The following PDGFC variants were observed in gnomAD, a reference collection of about 807,000 sequenced individuals.
The protein encoded by PDGFC is platelet-derived growth factor C.
In PDGFC, 12 loss-of-function variants were observed where a neutral mutation model predicts 35.5. The ratio of observed to expected loss-of-function variants is 0.34; its 90% CI spans 0.22 to 0.55. The LOEUF (loss-of-function observed/expected upper bound fraction) is 0.55, where lower values mean the gene tolerates loss of function less well. Among genes scored for constraint, PDGFC ranks in the 20% least tolerant of loss-of-function variants. The pLI is 0.91. For missense variants in PDGFC, 322 were observed against 412.4 expected, an observed-to-expected ratio of 0.78 and a Z score of 1.90; for synonymous variants, 159 against 148.8, an observed-to-expected ratio of 1.07 and a Z score of -0.50.
chr4:156,818,516 G>GTTTTTTTTTTT (rs35714916), intron 2 of PDGFC, among the ~76,000 whole-genome samples: 1 of 98,894 alleles, frequency 1.0e-5, no homozygotes, highest in Non-Finnish European at 1.9e-5. Context: ...CTTTCTAGCT[G>GTTTTTTTTTTT]TTTTTTTTTT....
chr4:156,929,756 C>G (rs538522633), intron 1 of PDGFC, among the ~76,000 whole-genome samples: 1 of 152,304 alleles, frequency 6.6e-6, no homozygotes, highest in African/African-American at 2.4e-5. Flanking sequence ...GGCTATTTAT[C>G]CTTTAGTGAC....
At chr4:156,845,830 C>G (rs1482818650) in intron 2 of PDGFC, among the ~76,000 whole-genome samples, 1 of 151,742 alleles carries the variant, frequency 6.6e-6, no homozygotes, top group Non-Finnish European at 1.5e-5. Context: ...TCAAATTTTA[C>G]CTTTTGAAAA....
intron 1 of PDGFC, among the ~76,000 whole-genome samples, chr4:156,970,047 C>T (rs1426293780): frequency 6.6e-6 from 1 of 152,262 alleles, no homozygotes; most frequent in Admixed American, 6.5e-5. Flanking sequence ...CTGTGCAATC[C>T]CAGCCCAAGG....
At chr4:156,967,402 C>T (rs1274432820) in intron 1 of PDGFC, 2 of 152,156 alleles carry the variant, frequency 1.3e-5, no homozygotes, top group African/African-American at 2.4e-5. Flanking sequence ...AATTGCCCCA[C>T]ATGCCACAAA....
At chr4:156,823,704 A>T (rs1296976749) in intron 2 of PDGFC, among the ~76,000 whole-genome samples, 1 of 152,164 alleles carries the variant, frequency 6.6e-6, no homozygotes, top group Non-Finnish European at 1.5e-5. Flanking sequence ...GAAAAATAGA[A>T]ATACCATATG....
chr4:156,907,325 T>A lies in PDGFC; in HGVS notation c.119-56909A>T, dbSNP rs974353134. Among the ~76,000 whole-genome samples the A allele has an allele frequency of 4.6e-5, 7 of 152,074 alleles. No individual in the cohort carries two copies. The South Asian group carries it at 1.5e-3, about 32-fold the overall frequency. ...CCTAATTCTAATCATAAAACACACATTTGCTAACAAATGAGTGAGATTACA... is the reference window on the plus strand; with the variant it reads ...CCTAATTCTAATCATAAAACACACAATTGCTAACAAATGAGTGAGATTACA... On this transcript the variant is annotated intron_variant, in intron 1 of 5. Coordinates refer to ENST00000502773, the MANE Select transcript of PDGFC (RefSeq NM_016205.3).
chr4:156,884,599 A>C (rs1408459825), intron 1 of PDGFC, among the ~76,000 whole-genome samples: 1 of 152,240 alleles, frequency 6.6e-6, no homozygotes, highest in African/African-American at 2.4e-5. Flanking sequence ...AAGATGCAGA[A>C]GTAAAAGTAA....
chr4:156,780,040 G>A (rs915349604), intron 3 of PDGFC, among the ~76,000 whole-genome samples: 11 of 151,412 alleles, frequency 7.3e-5, no homozygotes, highest in African/African-American at 2.4e-4. Context: ...GAATTCCATG[G>A]GATGACTAAA....
At chr4:156,869,347 AATGGCTT>A (rs1729922902) in intron 1 of PDGFC, among the ~76,000 whole-genome samples, 1 of 151,938 alleles carries the variant, frequency 6.6e-6, no homozygotes, top group Non-Finnish European at 1.5e-5. Context: ...GAGGCAGGAG[AATGGCTT>A]GAACCCAGGA....
intron 1 of PDGFC, among the ~76,000 whole-genome samples, chr4:156,952,619 C>T (rs1299503770): frequency 6.6e-6 from 1 of 151,720 alleles, no homozygotes; most frequent in Non-Finnish European, 1.5e-5. Flanking sequence ...GCCAATTCTC[C>T]CCAATGCCTA....
chr4:156,963,747 A>G (rs1193573850), intron 1 of PDGFC, among the ~76,000 whole-genome samples: 1 of 152,142 alleles, frequency 6.6e-6, no homozygotes, highest in Admixed American at 6.5e-5. Context: ...TAAATTTAAA[A>G]TGCATTCCCA....
intron 1 of PDGFC, among the ~76,000 whole-genome samples, chr4:156,885,250 A>C (rs1008991766): frequency 3.3e-5 from 5 of 152,122 alleles, no homozygotes; most frequent in Non-Finnish European, 7.4e-5. Context: ...TCCATAACAG[A>C]AGATATATGT....
chr4:156,766,412 A>C (rs755835237), intron 5 of PDGFC, among the ~76,000 whole-genome samples: 2 of 152,160 alleles, frequency 1.3e-5, no homozygotes, highest in Admixed American at 1.3e-4. Context: ...TAAGAATCTT[A>C]TTAATAACAT....
At chr4:156,800,107 C>G (rs1488959701) in intron 3 of PDGFC, among the ~76,000 whole-genome samples, 3 of 152,110 alleles carry the variant, frequency 2.0e-5, no homozygotes, top group Non-Finnish European at 2.9e-5. Context: ...ACTCTCTTCA[C>G]TCTATATATG....
At chr4:156,916,450 C>A (rs1731158319) in intron 1 of PDGFC, among the ~76,000 whole-genome samples, 1 of 152,332 alleles carries the variant, frequency 6.6e-6, no homozygotes, top group Admixed American at 6.5e-5. Flanking sequence ...CTTTCCACAA[C>A]TCTATAAATC....
chr4:156,903,258 A>G (rs185272311), intron 1 of PDGFC, among the ~76,000 whole-genome samples: 3 of 152,226 alleles, frequency 2.0e-5, no homozygotes, highest in African/African-American at 4.8e-5. Flanking sequence ...AAAATAATTT[A>G]TAGAACAAAT....
chr4:156,947,893 G>C (rs577709808), intron 1 of PDGFC, among the ~76,000 whole-genome samples: 1 of 152,082 alleles, frequency 6.6e-6, no homozygotes, highest in South Asian at 2.1e-4. Flanking sequence ...TTCAATAAGA[G>C]ACAGGTTCTG....
chr4:156,780,107 G>GTTT (rs35403686), intron 3 of PDGFC, among the ~76,000 whole-genome samples: 17,786 of 124,636 alleles, frequency 0.14, 1,172 homozygotes, highest in South Asian at 0.21. Flanking sequence ...CAAAATTAAG[G>GTTT]TTTTTTTTTT....
At chr4:156,825,575 TAATAATAATAATAATAA>T (rs1732427065) in intron 2 of PDGFC, among the ~76,000 whole-genome samples, 13 of 95,578 alleles carry the variant, frequency 1.4e-4, no homozygotes, top group African/African-American at 7.4e-4. Flanking sequence ...ATAATAATAA[TAATAATAATAATAATAA>T]TAAGAAGAAG....
Sources: gnomAD v4.1 joint callset for allele counts (sites outside exome capture counted in the v4.1 genomes callset) on GRCh38, gnomAD v4.1.1 for gene constraint, MANE v1.5 for transcripts, NCBI Gene and HGNC (gene_info 2026-07-23, HGNC 2026-07-21) for gene names.